The following HAUS2 variants were observed in gnomAD, a reference collection of about 807,000 sequenced individuals.
HAUS2 encodes the protein HAUS augmin like complex subunit 2.
HAUS2 carries 20 observed loss-of-function variants against 21.6 expected under a neutral mutation model. The ratio of observed to expected loss-of-function variants is 0.93; its 90% CI spans 0.65 to 1.35. The LOEUF (loss-of-function observed/expected upper bound fraction) is 1.35. Ranked by LOEUF, HAUS2 falls within the 40% of genes most tolerant of loss-of-function variation. The pLI is 0.00. For missense variants in HAUS2, 297 were observed against 280.7 expected (o/e 1.06, Z -0.42); for synonymous variants, 113 against 95.6 (o/e 1.18, Z -1.06).
In HAUS2 at chr15:42,566,970, C is replaced by T. The variant is rs2057913379; in HGVS notation, c.*154C>T. Reference sequence around the variant, plus strand: ...AGATCTCAGGTTCATTAAGACCAAACTGACTTTTCCTTTGTTTTTCATATA... The same window carrying T: ...AGATCTCAGGTTCATTAAGACCAAATTGACTTTTCCTTTGTTTTTCATATA... On this transcript the variant is annotated 3_prime_UTR_variant, in exon 6 of 6. Coordinates refer to ENST00000260372, the MANE Select transcript of HAUS2 (RefSeq NM_018097.3). The T allele has an allele frequency of 6.3e-6, 3 of 479,896 alleles. No homozygotes were observed. Among genetic ancestry groups the T allele is most frequent in the Non-Finnish European group, 1.1e-5 (3 of 272,280 alleles). The allele number at this position is 479,896 out of a possible 1,614,324, so 29.7% of individuals were successfully genotyped here. A position where few individuals can be genotyped will look rare whatever the true frequency, so the allele number is the denominator to read the frequency against.
chr15:42,556,204 C>T (rs1275550915), intron 1 of HAUS2, among the ~76,000 whole-genome samples: 2 of 145,954 alleles, frequency 1.4e-5, no homozygotes, highest in African/African-American at 2.6e-5. Flanking sequence ...TCAGGTAATC[C>T]ACTTGCCATG....
Position 42,568,097 on chromosome 15 carries a change from A to G in HAUS2, c.*1281A>G, listed in dbSNP as rs763493384. On this transcript the variant is annotated 3_prime_UTR_variant, in exon 6 of 6. Transcript: ENST00000260372. ...GTCTATGATGATTATTCCTGTGGGA[A>G]TGTCACTAAGTATGCAGAAAAGAGT... is the stretch of plus-strand genomic sequence containing the variant. The G allele has an allele frequency of 3.9e-5, 6 of 152,152 alleles. No individual in the cohort carries two copies. Among genetic ancestry groups the G allele is most frequent in the Non-Finnish European group, 8.8e-5 (6 of 68,034 alleles). The allele number at this position is 152,152 out of a possible 1,614,324, so 9.4% of individuals were successfully genotyped here. A position where few individuals can be genotyped will look rare whatever the true frequency, so the allele number is the denominator to read the frequency against.
intron 1 of HAUS2, among the ~76,000 whole-genome samples, chr15:42,556,418 T>G (rs940763952): frequency 1.7e-4 from 25 of 150,794 alleles, no homozygotes; most frequent in African/African-American, 6.1e-4. Flanking sequence ...TGTGCACCAC[T>G]CCTGCCTGGC....
At chr15:42,557,720 A>G (rs1372201314) in intron 1 of HAUS2, among the ~76,000 whole-genome samples, 2 of 151,876 alleles carry the variant, frequency 1.3e-5, no homozygotes, top group East Asian at 1.9e-4. Flanking sequence ...TAACTAAAAG[A>G]TGAGAATGTG....
chr15:42,552,183 C>T (rs541949070), intron 1 of HAUS2, among the ~76,000 whole-genome samples: 6 of 152,030 alleles, frequency 3.9e-5, no homozygotes, highest in Non-Finnish European at 7.4e-5. Context: ...CCACCACGCC[C>T]GGCTAATTTT....
rs1428404024 is a variant in HAUS2 at position 42,551,020 on chromosome 15, T to G, written c.93+2055T>G. Among the ~76,000 whole-genome samples, 3 of 128,530 alleles carry G rather than the reference T, an allele frequency of 2.3e-5. No homozygotes were observed. The Admixed American group carries it at 2.4e-4, about 10-fold the overall frequency. The allele number at this position is 128,530 out of a possible 152,430, so 84.3% of individuals were successfully genotyped here. The stretch of plus-strand genomic sequence containing the variant: ...TTCTTTTTTTTTTTTTTCTGAGACA[T>G]AGTCTCCCTCTGTTGCCCAGGCTGG... On this transcript the variant is annotated intron_variant, in intron 1 of 5. Coordinates refer to ENST00000260372, the MANE Select transcript of HAUS2 (RefSeq NM_018097.3).
chr15:42,567,823 G>A lies in HAUS2; in HGVS notation c.*1007G>A, dbSNP rs1201866202. The A allele has an allele frequency of 6.6e-6, 1 of 151,516 alleles. No individual in the cohort carries two copies. Among genetic ancestry groups the A allele is most frequent in the Non-Finnish European group, 1.5e-5 (1 of 67,934 alleles). The allele number at this position is 151,516 out of a possible 1,614,324, so 9.4% of individuals were successfully genotyped here. A position where few individuals can be genotyped will look rare whatever the true frequency, so the allele number is the denominator to read the frequency against. On this transcript the variant is annotated 3_prime_UTR_variant, in exon 6 of 6. Transcript: ENST00000260372. ...CGTGCCTCTGCACTCCAACCTGGGT[G>A]ATGGAGCAAGACTCCATCTCCAAAA...
chr15:42,560,032 G>A (rs911772558), intron 3 of HAUS2, among the ~76,000 whole-genome samples: 2 of 152,102 alleles, frequency 1.3e-5, no homozygotes, highest in Admixed American at 6.6e-5. Flanking sequence ...GCATGTACCT[G>A]TAGTGCCAGT....
chr15:42,554,162 T>C (rs1409281671), intron 1 of HAUS2, among the ~76,000 whole-genome samples: 2 of 152,216 alleles, frequency 1.3e-5, no homozygotes, highest in Admixed American at 6.5e-5. Flanking sequence ...GTTACTGACC[T>C]AGTCCACATT....
In HAUS2 at chr15:42,559,397, C is replaced by G. The variant is rs749222409; in HGVS notation, c.245C>G (p.Pro82Arg). 6.3e-7 allele frequency: 1 copy of G among 1,599,958 alleles called. No homozygotes were observed. Residue 82 changes from proline (P) to arginine (R), a missense_variant, in exon 3 of 6, where the codon CCT becomes CGT. Physicochemically the swap from Pro to Arg is moderately radical, Grantham distance 103. Transcript: ENST00000260372. The stretch of plus-strand genomic sequence containing the variant: ...AAAGATACAGCAGATGTTGTTCATC[C>G]TTTCTTTTTGGGTAAGTGGTTTGGT... Reference protein sequence around the residue: ...LEKDTADVVHPFFLAQKCHTL... With the variant: ...LEKDTADVVHRFFLAQKCHTL...
rs1322444393 is a variant in HAUS2, at chr15:42,569,877, A to G, written c.*3061A>G. The G allele has an allele frequency of 1.3e-5, 2 of 152,092 alleles. No homozygotes were observed. Among genetic ancestry groups the G allele is most frequent in the African/African-American group, 2.4e-5 (1 of 41,416 alleles). 9.4% of individuals were successfully genotyped at this position (152,092 alleles called of 1,614,324 possible). ...ATGCTTTTTCTTCGTGTTATTTCCT[A>G]TATTCATTTTTGTGTGTATGTGTAT... On this transcript the variant is annotated 3_prime_UTR_variant, in exon 6 of 6. Transcript: ENST00000260372.
chr15:42,549,471 G>C (rs2141586330), intron 1 of HAUS2, among the ~76,000 whole-genome samples: 1 of 151,830 alleles, frequency 6.6e-6, no homozygotes, highest in South Asian at 2.1e-4. Context: ...ATATGAGACA[G>C]AGTCTCGCTC....
intron 1 of HAUS2, 92 bp downstream of exon 1, chr15:42,549,057 AG>A: frequency 2.4e-6 from 2 of 838,310 alleles, no homozygotes; most frequent in Admixed American, 2.2e-5. Context: ...GGGAGTGGTG[AG>A]GGTCCTGGTT....
rs780431061 is a variant in HAUS2, at chr15:42,548,867, C to T, written c.-6C>T. On this transcript the variant is annotated 5_prime_UTR_variant, in exon 1 of 6. Transcript: ENST00000260372. ...TTGGCGCCTTCGCGGAAGGTGCGTCCGAGCCATGGCCGCTGCCAACCCGTG... is the reference window on the plus strand; with the variant it reads ...TTGGCGCCTTCGCGGAAGGTGCGTCTGAGCCATGGCCGCTGCCAACCCGTG... 2.6e-6 allele frequency: 4 copies of T among 1,547,014 alleles called. No individual in the cohort carries two copies. The highest frequency in any genetic ancestry group is 2.4e-5 in the East Asian group (1 of 40,902).
chr15:42,552,551 A>G (rs1304428234), intron 1 of HAUS2, among the ~76,000 whole-genome samples: 1 of 152,180 alleles, frequency 6.6e-6, no homozygotes, highest in African/African-American at 2.4e-5. Context: ...TTTTGTTTCA[A>G]TCTGTTAGAG....
Position 42,568,382 on chromosome 15 carries a change from G to GAAAGATAT in HAUS2, c.*1568_*1575dup. 6.6e-6 allele frequency: 1 copy of GAAAGATAT among 152,350 alleles called. No individual in the cohort carries two copies. Among genetic ancestry groups the GAAAGATAT allele is most frequent in the Non-Finnish European group, 1.5e-5 (1 of 68,048 alleles). 9.4% of individuals were successfully genotyped at this position (152,350 alleles called of 1,614,324 possible). On this transcript the variant is annotated 3_prime_UTR_variant, in exon 6 of 6. Coordinates refer to ENST00000260372, the MANE Select transcript of HAUS2 (RefSeq NM_018097.3). ...GGCACCACATGGCAAGTGAGCATGAGAAAGATATATGGGTCTAAACTTAGC... is the reference window on the plus strand; with the variant it reads ...GGCACCACATGGCAAGTGAGCATGAGAAAGATATAAAGATATATGGGTCTAAACTTAGC...
chr15:42,559,474 G>C, intron 3 of HAUS2, 66 bp downstream of exon 3: 1 of 882,028 alleles, frequency 1.1e-6, no homozygotes. Flanking sequence ...CTGTAAATAA[G>C]CACCAGTCAG....
Position 42,566,274 on chromosome 15 carries a change from T to C in HAUS2, c.499-333T>C, listed in dbSNP as rs1465334397. Among the ~76,000 whole-genome samples, 4 of 152,196 alleles carry C rather than the reference T, an allele frequency of 2.6e-5. No individual in the cohort carries two copies. In the East Asian group the frequency reaches 7.7e-4, roughly 29 times the overall value. ...ACATGTAGTAAATGGTCAATCATTT[T>C]TGAACTGTAGTTAGACTGAGTTTGA... On this transcript the variant is annotated intron_variant, in intron 5 of 5. Transcript: ENST00000260372.
At position 42,569,433 on chromosome 15, in the gene HAUS2, A is replaced by G. The variant is rs2057939558; in HGVS notation, c.*2617A>G. The G allele has an allele frequency of 6.6e-6, 1 of 151,678 alleles. No individual in the cohort carries two copies. Among genetic ancestry groups the G allele is most frequent in the African/African-American group, 2.4e-5 (1 of 41,260 alleles). The allele number at this position is 151,678 out of a possible 1,614,324, so 9.4% of individuals were successfully genotyped here. A position where few individuals can be genotyped will look rare whatever the true frequency, so the allele number is the denominator to read the frequency against. On this transcript the variant is annotated 3_prime_UTR_variant, in exon 6 of 6. Transcript: ENST00000260372. Reference sequence around the variant, plus strand: ...GTGATCCTCCCACCTCAGCCTCCCAAGTAGCTGGGACTATAGGCACGCGCC... The same window carrying G: ...GTGATCCTCCCACCTCAGCCTCCCAGGTAGCTGGGACTATAGGCACGCGCC...
Sources: allele counts gnomAD v4.1 joint callset (sites outside exome capture counted in the v4.1 genomes callset), GRCh38; gene constraint gnomAD v4.1.1; transcripts MANE v1.5; gene names NCBI Gene and HGNC (gene_info 2026-07-23, HGNC 2026-07-21).